MARCHF3: variants seen among roughly 807,000 people sequenced by gnomAD.
MARCHF3 encodes the protein E3 ubiquitin-protein ligase MARCHF3.
MARCHF3 carries 13 observed loss-of-function variants against 24.2 expected under a neutral mutation model. The ratio of observed to expected loss-of-function variants is 0.54; its 90% CI spans 0.35 to 0.85. The LOEUF (loss-of-function observed/expected upper bound fraction) is 0.85, where lower values mean the gene tolerates loss of function less well. Among genes scored for constraint, MARCHF3 ranks in the 40% least tolerant of loss-of-function variants. The pLI is 0.01. For synonymous variants in MARCHF3, 144 were observed against 137.3 expected, an observed-to-expected ratio of 1.05 and a Z score of -0.34; for missense variants, 276 against 325.0, an observed-to-expected ratio of 0.85 and a Z score of 1.16.
intron 1 of MARCHF3, among the ~76,000 whole-genome samples, chr5:127,005,921 GGC>G (rs1752297607): frequency 6.6e-6 from 1 of 151,922 alleles, no homozygotes; most frequent in Non-Finnish European, 1.5e-5. Flanking sequence ...AAAGATTTTT[GGC>G]CAGGGTGGTG....
At chr5:126,940,971 A>T (rs1749808231) in intron 1 of MARCHF3, among the ~76,000 whole-genome samples, 1 of 152,150 alleles carries the variant, frequency 6.6e-6, no homozygotes, top group Non-Finnish European at 1.5e-5. Flanking sequence ...TTGCAACTGT[A>T]TATTATTTAA....
At chr5:126,990,967 A>G (rs1468485419) in intron 1 of MARCHF3, among the ~76,000 whole-genome samples, 1 of 152,102 alleles carries the variant, frequency 6.6e-6, no homozygotes, top group African/African-American at 2.4e-5. Flanking sequence ...AGATTAGTTC[A>G]ACCACTGTGG....
chr5:126,971,292 A>G (rs939225602), intron 1 of MARCHF3, among the ~76,000 whole-genome samples: 2 of 151,768 alleles, frequency 1.3e-5, no homozygotes, highest in African/African-American at 4.8e-5. Flanking sequence ...TACTAAAAAT[A>G]CAAAAAATTA....
chr5:126,937,929 A>G (rs1749699883), intron 1 of MARCHF3, among the ~76,000 whole-genome samples: 1 of 152,242 alleles, frequency 6.6e-6, no homozygotes, highest in Non-Finnish European at 1.5e-5. Flanking sequence ...GAGTGAAGGC[A>G]TAAAGGAAAG....
At chr5:126,916,790 CT>C (rs1285021031) in intron 2 of MARCHF3, among the ~76,000 whole-genome samples, 1 of 151,510 alleles carries the variant, frequency 6.6e-6, no homozygotes, top group Non-Finnish European at 1.5e-5. Context: ...GTCAAGTGAG[CT>C]GTTTGATGCC....
At position 126,869,508 on chromosome 5, in the gene MARCHF3, GGC is replaced by G. The variant is rs1275181442; in HGVS notation, c.*1123_*1124del. The G allele has an allele frequency of 2.6e-5, 4 of 151,126 alleles. No homozygotes were observed. Among genetic ancestry groups the G allele is most frequent in the Non-Finnish European group, 5.9e-5 (4 of 67,862 alleles). The allele number at this position is 151,126 out of a possible 1,614,324, so 9.4% of individuals were successfully genotyped here. On this transcript the variant is annotated 3_prime_UTR_variant, in exon 5 of 5. Coordinates refer to ENST00000308660, the MANE Select transcript of MARCHF3 (RefSeq NM_178450.5). ...CAGAATTGGCTCATGGTTGGGGGAA[GGC>G]ACTGTGTGGGGCTCCTTTTTAAAGA...
intron 1 of MARCHF3, among the ~76,000 whole-genome samples, chr5:126,931,965 G>A (rs903252415): frequency 6.6e-6 from 1 of 152,194 alleles, no homozygotes; most frequent in Admixed American, 6.5e-5. Flanking sequence ...TACCAGTTAT[G>A]CCTCCTTAAG....
chr5:126,980,639 G>A (rs1267578691), intron 1 of MARCHF3, among the ~76,000 whole-genome samples: 2 of 152,122 alleles, frequency 1.3e-5, no homozygotes, highest in Non-Finnish European at 2.9e-5. Flanking sequence ...AAAGTGCTGG[G>A]ATTACAGGTG....
intron 1 of MARCHF3, among the ~76,000 whole-genome samples, chr5:126,921,799 C>G (rs1749116302): frequency 6.6e-6 from 1 of 152,184 alleles, no homozygotes; most frequent in Non-Finnish European, 1.5e-5. Flanking sequence ...TGCATAATTT[C>G]TTTCTCAGGC....
At chr5:126,988,648 T>C (rs1334984517) in intron 1 of MARCHF3, among the ~76,000 whole-genome samples, 2 of 152,308 alleles carry the variant, frequency 1.3e-5, no homozygotes, top group Admixed American at 1.3e-4. Context: ...GTACAAAGAT[T>C]ATCACTAGAA....
chr5:127,023,772 AT>A (rs1752898782), intron 1 of MARCHF3, among the ~76,000 whole-genome samples: 16 of 139,520 alleles, frequency 1.1e-4, no homozygotes, highest in African/African-American at 3.6e-4. Flanking sequence ...AAATAAATAA[AT>A]AAATAAAAAT....
rs1008607084 is a variant in MARCHF3 at position 126,899,488 on chromosome 5, A to G, written c.393+15442T>C. 4.6e-5 allele frequency among the ~76,000 whole-genome samples: 7 copies of G among 152,238 alleles called. 1 individual carries two copies. The highest frequency in any genetic ancestry group is 4.6e-4 in the Admixed American group (7 of 15,258). On this transcript the variant is annotated intron_variant, in intron 3 of 4. Coordinates refer to ENST00000308660, the MANE Select transcript of MARCHF3 (RefSeq NM_178450.5). ...AGGGAAAGGTTTCTGACAATTTTGGATTAAAAGATTCCTCCTAAGGAATTG... is the reference window on the plus strand; with the variant it reads ...AGGGAAAGGTTTCTGACAATTTTGGGTTAAAAGATTCCTCCTAAGGAATTG...
rs1752872978 is a variant in MARCHF3, at chr5:126,869,127, C to T, written c.*1506G>A. On this transcript the variant is annotated 3_prime_UTR_variant, in exon 5 of 5. Coordinates refer to ENST00000308660, the MANE Select transcript of MARCHF3 (RefSeq NM_178450.5). Reference sequence around the variant, plus strand: ...TCGCCTACAAAGGGGACACCTGCATCAGCTCCATCAATTTGCAGACAAAAA... The same window carrying T: ...TCGCCTACAAAGGGGACACCTGCATTAGCTCCATCAATTTGCAGACAAAAA... The T allele has an allele frequency of 6.6e-6, 1 of 152,256 alleles. No homozygotes were observed. The highest frequency in any genetic ancestry group is 1.5e-5 in the Non-Finnish European group (1 of 68,076). 9.4% of individuals were successfully genotyped at this position (152,256 alleles called of 1,614,324 possible).
chr5:126,900,746 G>C (rs1213413976), intron 3 of MARCHF3, among the ~76,000 whole-genome samples: 1 of 150,100 alleles, frequency 6.7e-6, no homozygotes, highest in Admixed American at 6.7e-5. Context: ...CTGTTGCCCA[G>C]GCTGGACTGC....
chr5:126,964,245 C>T lies in MARCHF3; in HGVS notation c.-56-46018G>A, dbSNP rs1156716121. Among the ~76,000 whole-genome samples, 4 of 152,162 alleles carry T rather than the reference C, an allele frequency of 2.6e-5. No homozygotes were observed. In the East Asian group the frequency reaches 7.7e-4, roughly 29 times the overall value. ...ACAGCACACACAAAGGTGAGGATAA[C>T]AAAATTTGCCTCAATAGGATGTTCA... On this transcript the variant is annotated intron_variant, in intron 1 of 4. Coordinates refer to ENST00000308660, the MANE Select transcript of MARCHF3 (RefSeq NM_178450.5).
At chr5:126,922,556 T>TTAA (rs1561429421) in intron 1 of MARCHF3, among the ~76,000 whole-genome samples, 1 of 120,144 alleles carries the variant, frequency 8.3e-6, no homozygotes, top group Non-Finnish European at 1.8e-5. Context: ...TTATTTATTA[T>TTAA]TTATTTTTGA....
At chr5:126,976,891 A>G (rs1405520264) in intron 1 of MARCHF3, among the ~76,000 whole-genome samples, 2 of 152,202 alleles carry the variant, frequency 1.3e-5, no homozygotes, top group African/African-American at 4.8e-5. Flanking sequence ...GATCTGGTTT[A>G]CATCCACCGA....
At chr5:127,005,636 A>G (rs903653775) in intron 1 of MARCHF3, among the ~76,000 whole-genome samples, 1 of 152,186 alleles carries the variant, frequency 6.6e-6, no homozygotes, top group Admixed American at 6.5e-5. Context: ...CTGAGAAGTG[A>G]GTATATATCT....
intron 1 of MARCHF3, among the ~76,000 whole-genome samples, chr5:126,947,338 T>C: frequency 6.6e-6 from 1 of 152,190 alleles, no homozygotes; most frequent in East Asian, 1.9e-4. Context: ...TAAAAGTGGC[T>C]AAAAATAACC....
Sources: allele counts gnomAD v4.1 joint callset (sites outside exome capture counted in the v4.1 genomes callset), GRCh38; gene constraint gnomAD v4.1.1; transcripts MANE v1.5; gene names NCBI Gene and HGNC (gene_info 2026-07-23, HGNC 2026-07-21).